SLC26A1: variants seen among roughly 807,000 people sequenced by gnomAD.
SLC26A1 encodes solute carrier family 26 member 1.
Under a neutral mutation model 14.5 loss-of-function variants are expected in SLC26A1, and 18 were observed. That is an observed-to-expected ratio of 1.24 (90% CI 0.86 to 1.84). SLC26A1 has a LOEUF of 1.84. Ranked by LOEUF, SLC26A1 falls within the 40% of genes most tolerant of loss-of-function variation. The pLI, the probability that SLC26A1 is intolerant of heterozygous loss-of-function variation, is 0.00. For synonymous variants in SLC26A1, 505 were observed against 492.0 expected (o/e 1.03, Z -0.35); for missense variants, 1,049 against 1,020.0 (o/e 1.03, Z -0.39).
chr4:991,767 C>G, intron 1 of SLC26A1, 37 bp from the exon 2 acceptor site: 2 of 1,527,752 alleles, frequency 1.3e-6, no homozygotes, highest in South Asian at 1.2e-5. Context: ...CAGGAGCCCC[C>G]GGATCCAGGG....
rs1338512252 is a variant in SLC26A1, at chr4:988,833, C to A, written c.2106G>T (p.Ter702TyrextTer57). 1 of 1,587,904 alleles carries A rather than the reference C, an allele frequency of 6.3e-7. No homozygotes were observed. The highest frequency in any genetic ancestry group is 8.6e-7 in the Non-Finnish European group (1 of 1,167,268). The stretch of plus-strand genomic sequence containing the variant: ...AGGCTGCTGGGCAGGCCTGGCCCTG[C>A]TACAGATGGGCATCGGTGGCCTCCA... ...RELEATDAHL[*>Y] Residue 702 changes from the stop codon to tyrosine, a stop_lost, in exon 3 of 3, where the codon TAG becomes TAT. Coordinates refer to ENST00000398516, the MANE Select transcript of SLC26A1 (RefSeq NM_022042.4).
In SLC26A1 at chr4:989,969, G is replaced by T. The variant is rs1473309347; in HGVS notation, c.970C>A (p.Pro324Thr). 6.4e-7 allele frequency: 1 copy of T among 1,556,966 alleles called. No individual in the cohort carries two copies. The highest frequency in any genetic ancestry group is 8.7e-7 in the Non-Finnish European group (1 of 1,152,128). ...RFGSSVAGDI[P>T]TGFMPPQVPE... ...ACCTGAGGGGGCATGAAACCCGTGG[G>T]GATGTCGCCAGCCACGCTCGAGCCA... The change falls in exon 3 of 3, where the codon CCC (proline) becomes ACC (threonine). Residue 324 changes from proline (P) to threonine (T), a missense_variant. Pro to Thr is a conservative substitution (Grantham distance 38). Transcript: ENST00000398516.
chr4:990,876 T>TA (rs1242669458), intron 2 of SLC26A1: 1 of 503,060 alleles, frequency 2.0e-6, no homozygotes, highest in African/African-American at 1.9e-5. Context: ...CCTGGCCTGC[T>TA]GGTCCCCACC....
chr4:988,616 G>C lies in SLC26A1; in HGVS notation c.*217C>G, dbSNP rs1395283599. The C allele has an allele frequency of 7.3e-7, 1 of 1,371,818 alleles. No individual in the cohort carries two copies. Among genetic ancestry groups the C allele is most frequent in the African/African-American group, 1.5e-5 (1 of 67,674 alleles). 85.0% of individuals were successfully genotyped at this position (1,371,818 alleles called of 1,614,324 possible). ...CCAGCACTGTGGGCCAGCCTGTCTC[G>C]GAGGCAGAGGTTCTTGATTTCTGAG... On this transcript the variant is annotated 3_prime_UTR_variant, in exon 3 of 3. Coordinates refer to ENST00000398516, the MANE Select transcript of SLC26A1 (RefSeq NM_022042.4).
downstream of SLC26A1, chr4:986,889 G>C (rs770209088): frequency 6.0e-6 from 4 of 664,132 alleles, no homozygotes; most frequent in African/African-American, 1.8e-5. Context: ...GCAAGGAAGC[G>C]GGGCTCCAAG....
At position 990,231 on chromosome 4, in the gene SLC26A1, G is replaced by A. The variant is rs1284464037; in HGVS notation, c.708C>T (p.Ile236=). The change falls in exon 3 of 3, where the codon ATC becomes ATT. Residue 236 remains isoleucine, a synonymous_variant. Coordinates refer to ENST00000398516, the MANE Select transcript of SLC26A1 (RefSeq NM_022042.4). ...SQLKHLLGVR[I]PRHQGPGMVV... is the part of the protein sequence containing the mutation. ...CCATGCCGGGCCCCTGGTGCCGCGG[G>A]ATCCGCACGCCCAGCAGGTGTTTGA... The A allele has an allele frequency of 6.3e-7, 1 of 1,575,576 alleles. No homozygotes were observed. The highest frequency in any genetic ancestry group is 1.2e-5 in the South Asian group (1 of 85,916).
At chr4:985,832 C>G (rs992608912), downstream of SLC26A1, among the ~76,000 whole-genome samples, 9 of 152,172 alleles carry the variant, frequency 5.9e-5, no homozygotes, top group African/African-American at 2.2e-4. Context: ...AATAAAAAGA[C>G]CCAGAACACT....
chr4:990,424 C>T, intron 2 of SLC26A1, 62 bp from the exon 3 acceptor site: 1 of 1,471,500 alleles, frequency 6.8e-7, no homozygotes, highest in South Asian at 1.3e-5. Context: ...CCCTCACCAG[C>T]ACCTGGCATG....
chr4:987,998 C>A lies in SLC26A1; in HGVS notation c.*835G>T. On this transcript the variant is annotated 3_prime_UTR_variant, in exon 3 of 3. Transcript: ENST00000398516. ...CGTCCCAGAGCCCCTTACAGAGGCA[C>A]AGATGGGAGGGGAGGGCTGGGGGCT... is the stretch of plus-strand genomic sequence containing the variant. 1 of 1,530,606 alleles carries A rather than the reference C, an allele frequency of 6.5e-7. No individual in the cohort carries two copies. The allele number at this position is 1,530,606 out of a possible 1,614,324, so 94.8% of individuals were successfully genotyped here.
rs767907957 is a variant in SLC26A1 at position 991,239 on chromosome 4, G to A, written c.465C>T (p.Pro155=). The change falls in exon 2 of 3, where the codon CCC becomes CCT. Residue 155 remains proline, a synonymous_variant. Transcript: ENST00000398516. ...GFDPSQDGLQ[P]GANSSTLNGS... is the part of the protein sequence containing the mutation. ...CGTTGAGGGTGCTGCTGTTGGCTCC[G>A]GGCTGCAGGCCGTCCTGGGAGGGGT... 1.1e-5 allele frequency: 17 copies of A among 1,611,632 alleles called. No individual in the cohort carries two copies. The highest frequency in any genetic ancestry group is 2.7e-5 in the African/African-American group (2 of 74,914).
chr4:986,847 G>A (rs1713750959), downstream of SLC26A1: 1 of 643,990 alleles, frequency 1.6e-6, no homozygotes, highest in Admixed American at 2.1e-5. Flanking sequence ...CGCTTTCCGA[G>A]TCATCGGTCC....
intron 2 of SLC26A1, among the ~76,000 whole-genome samples, chr4:980,990 C>G (rs1004459708): frequency 1.3e-5 from 2 of 152,168 alleles, no homozygotes; most frequent in African/African-American, 2.4e-5. Context: ...CTGCCATCAC[C>G]CCTTAGGCCG....
Position 988,875 on chromosome 4 carries a change from T to A in SLC26A1, c.2064A>T (p.Arg688=). 1 of 1,598,806 alleles carries A rather than the reference T, an allele frequency of 6.3e-7. No homozygotes were observed. Among genetic ancestry groups the A allele is most frequent in the South Asian group, 1.1e-5 (1 of 89,420 alleles). ...LSVHDAVQTA[R]ARHRELEATD... is the part of the protein sequence containing the mutation. Reference sequence around the variant, plus strand: ...TGGCCTCCAGCTCCCTGTGGCGGGCTCGTGCTGTCTGCACGGCATCGTGCA... The same window carrying A: ...TGGCCTCCAGCTCCCTGTGGCGGGCACGTGCTGTCTGCACGGCATCGTGCA... Residue 688 remains arginine, a synonymous_variant, in exon 3 of 3, where the codon CGA becomes CGT. Transcript: ENST00000398516.
downstream of SLC26A1, chr4:987,197 G>A (rs985077475): frequency 1.4e-6 from 2 of 1,477,416 alleles, no homozygotes; most frequent in African/African-American, 2.9e-5. Context: ...GACGCGGCCC[G>A]CGCGCTGTGG....
chr4:979,539 GCCGCTGAC>G (rs763115038), intron 2 of SLC26A1: 2 of 1,611,430 alleles, frequency 1.2e-6, no homozygotes, highest in African/African-American at 2.7e-5. Flanking sequence ...CATGGTGGAG[GCCGCTGAC>G]CCGCTGACGT....
Position 988,916 on chromosome 4 carries a change from G to A in SLC26A1, c.2023C>T (p.Gln675Ter). The A allele has an allele frequency of 6.2e-7, 1 of 1,604,646 alleles. No homozygotes were observed. The highest frequency in any genetic ancestry group is 8.5e-7 in the Non-Finnish European group (1 of 1,176,498). ...GCATCGTGCACACTGAGGAACAGCT[G>A]CTCCTCCTCAGCCGTGTCCCCGGGG... Reference protein sequence around the residue: ...EGPGDTAEEEQLFLSVHDAVQ... With the variant: ...EGPGDTAEEE Residue 675 changes from glutamine to a stop codon, truncating the protein, a stop_gained, in exon 3 of 3, where the codon CAG becomes TAG. Transcript: ENST00000398516. LOFTEE classifies it low-confidence loss of function (END_TRUNC).
chr4:979,622 G>T, intron 2 of SLC26A1: 1 of 1,320,362 alleles, frequency 7.6e-7, no homozygotes. Context: ...TGCCAGCCCA[G>T]CAAGAGAGGA....
downstream of SLC26A1, chr4:987,280 C>T (rs1560532068): frequency 1.3e-6 from 2 of 1,503,796 alleles, no homozygotes; most frequent in Non-Finnish European, 1.8e-6. Context: ...CCTGGCCGCA[C>T]GGGGAGAGCT....
At position 988,506 on chromosome 4, in the gene SLC26A1, G is replaced by A. The variant is rs1385213532; in HGVS notation, c.*327C>T. 2.9e-5 allele frequency: 34 copies of A among 1,159,164 alleles called. No homozygotes were observed. The African/African-American group carries it at 4.8e-4, about 16-fold the overall frequency. The allele number at this position is 1,159,164 out of a possible 1,614,324, so 71.8% of individuals were successfully genotyped here. The stretch of plus-strand genomic sequence containing the variant: ...CCTTGGAGGCTGCATGATGGCGGGG[G>A]ACCCTTGTTCAAATAAGATGTCAAC... On this transcript the variant is annotated 3_prime_UTR_variant, in exon 3 of 3. Transcript: ENST00000398516.
Sources: gnomAD v4.1 joint callset for allele counts (sites outside exome capture counted in the v4.1 genomes callset) on GRCh38, gnomAD v4.1.1 for gene constraint, MANE v1.5 for transcripts, NCBI Gene and HGNC (gene_info 2026-07-23, HGNC 2026-07-21) for gene names.